RHBG: variants seen among roughly 807,000 people sequenced by gnomAD.
The protein encoded by RHBG is ammonium transporter Rh type B.
RHBG carries 39 observed loss-of-function variants against 40.1 expected under a neutral mutation model. That is an observed-to-expected ratio of 0.97 (90% CI 0.75 to 1.27). The LOEUF is 1.27. Among genes scored for constraint, RHBG ranks in the 50% most tolerant of loss-of-function variants. The pLI is 0.00. For synonymous variants in RHBG, 237 were observed against 252.5 expected (o/e 0.94, Z 0.58); for missense variants, 549 against 588.1 (o/e 0.93, Z 0.69).
chr1:156,373,375 G>A (rs1044005979), intron 1 of RHBG, among the ~76,000 whole-genome samples: 1 of 144,830 alleles, frequency 6.9e-6, no homozygotes, highest in Non-Finnish European at 1.5e-5. Context: ...GCAGTGAGCT[G>A]TAATGGCACC....
chr1:156,378,526 A>G (rs1667394008), intron 4 of RHBG, 127 bp downstream of exon 4: 1 of 1,166,452 alleles, frequency 8.6e-7, no homozygotes. Context: ...TCCCATTTGG[A>G]TTCTGCTGTG....
At chr1:156,384,413 G>A (rs565741608) in intron 8 of RHBG, 114 bp from the exon 9 acceptor site, 675 of 927,742 alleles carry the variant, frequency 7.3e-4, no homozygotes, top group Non-Finnish European at 1.1e-3. Flanking sequence ...TGCCTGCACA[G>A]GCATCATATT....
intron 1 of RHBG, among the ~76,000 whole-genome samples, chr1:156,374,022 T>A (rs924285944): frequency 1.3e-5 from 2 of 152,012 alleles, no homozygotes; most frequent in African/African-American, 4.8e-5. Flanking sequence ...ATAGTCACTC[T>A]ACAGTGCTAT....
At position 156,377,286 on chromosome 1, in the gene RHBG, C is replaced by G. The variant is rs774112775; in HGVS notation, c.188-15C>G. 9.3e-6 allele frequency: 15 copies of G among 1,611,666 alleles called. No individual in the cohort carries two copies. The highest frequency in any genetic ancestry group is 9.3e-6 in the Non-Finnish European group (11 of 1,178,206). On this transcript the variant is annotated splice_polypyrimidine_tract_variant and intron_variant, in intron 1 of 9. Transcript: ENST00000537040. The surrounding 1 kb of genome is among the most constrained non-coding windows in gnomAD (Gnocchi z 4.6). Reference sequence around the variant, plus strand: ...AGCAGCCCCCAAGTGCCCCGCCTGTCCCTGCCCGCTGCAGGCTTCCAGGAC... The same window carrying G: ...AGCAGCCCCCAAGTGCCCCGCCTGTGCCTGCCCGCTGCAGGCTTCCAGGAC...
At chr1:156,376,481 A>C (rs1345326215) in intron 1 of RHBG, among the ~76,000 whole-genome samples, 1 of 151,472 alleles carries the variant, frequency 6.6e-6, no homozygotes, top group Non-Finnish European at 1.5e-5. Context: ...TTTGTCCCTC[A>C]ACCTCCCAAG....
At chr1:156,381,566 G>A (rs1235118211) in intron 5 of RHBG, 53 bp downstream of exon 5, 4 of 1,542,748 alleles carry the variant, frequency 2.6e-6, no homozygotes, top group Admixed American at 1.9e-5. Context: ...GGCAGGGGAG[G>A]AGAGGTCTGA....
chr1:156,379,921 A>G (rs1225064327), intron 4 of RHBG, among the ~76,000 whole-genome samples: 1 of 152,090 alleles, frequency 6.6e-6, no homozygotes, highest in East Asian at 1.9e-4. Context: ...ATGGGCTTCC[A>G]GTTCTTTCCC....
chr1:156,380,134 G>A (rs1667518430), intron 4 of RHBG, among the ~76,000 whole-genome samples: 1 of 92,348 alleles, frequency 1.1e-5, no homozygotes, highest in Admixed American at 1.4e-4. Flanking sequence ...TTTTTGAGAT[G>A]GAGTCTTGCT....
intron 1 of RHBG, among the ~76,000 whole-genome samples, chr1:156,372,954 G>A (rs536904659): frequency 2.3e-4 from 35 of 152,252 alleles, no homozygotes; most frequent in Non-Finnish European, 3.8e-4. Context: ...ACCACGCCCG[G>A]CCAGACTTAG....
intron 1 of RHBG, among the ~76,000 whole-genome samples, chr1:156,375,962 T>TTAAGA (rs1667166435): frequency 6.6e-6 from 1 of 152,060 alleles, no homozygotes; most frequent in African/African-American, 2.4e-5. Flanking sequence ...CCCAGGCTAG[T>TTAAGA]CTTAATCTAC....
At position 156,384,561 on chromosome 1, in the gene RHBG, C is replaced by CG. The variant is rs1215579259; in HGVS notation, c.1269_1270insG (p.Pro424AlafsTer19). On this transcript the variant is annotated frameshift_variant, in exon 9 of 10. Coordinates refer to ENST00000537040, the MANE Select transcript of RHBG (RefSeq NM_020407.5). LOFTEE classifies it high-confidence loss of function. The stretch of plus-strand genomic sequence containing the variant: ...TGAAGCTACCCTTTCTGGACTCCCC[C>CG]CCAGACTCCCAGCACTACGAGGACC... The CG allele has an allele frequency of 1.5e-5, 24 of 1,600,178 alleles. No individual in the cohort carries two copies. Among genetic ancestry groups the CG allele is most frequent in the South Asian group, 3.4e-5 (3 of 89,286 alleles).
At chr1:156,384,299 T>C (rs1420820587) in intron 8 of RHBG, 2 of 612,658 alleles carry the variant, frequency 3.3e-6, no homozygotes, top group Non-Finnish European at 5.9e-6. Flanking sequence ...AGGAATAATA[T>C]TGGCCTTGCA....
Position 156,384,303 on chromosome 1 carries a change from C to T in RHBG, c.1235-224C>T, listed in dbSNP as rs181718247. The T allele has an allele frequency of 5.3e-4, 326 of 619,244 alleles. 1 individual carries two copies. Among genetic ancestry groups the T allele is most frequent in the Non-Finnish European group, 9.0e-4 (308 of 342,380 alleles). 38.4% of individuals were successfully genotyped at this position (619,244 alleles called of 1,614,324 possible). The stretch of plus-strand genomic sequence containing the variant: ...GTTTGTAATACAGGAATAATATTGG[C>T]CTTGCAGGGTTGTTGTGATTACTCA... On this transcript the variant is annotated intron_variant, in intron 8 of 9. Coordinates refer to ENST00000537040, the MANE Select transcript of RHBG (RefSeq NM_020407.5).
In RHBG at chr1:156,384,974, TTCCACAGGCAGCGTC is replaced by T; in HGVS notation, c.*138_*152del. 1 of 625,888 alleles carries T rather than the reference TTCCACAGGCAGCGTC, an allele frequency of 1.6e-6. No homozygotes were observed. Among genetic ancestry groups the T allele is most frequent in the South Asian group, 1.9e-5 (1 of 51,306 alleles). 38.8% of individuals were successfully genotyped at this position (625,888 alleles called of 1,614,324 possible). On this transcript the variant is annotated 3_prime_UTR_variant, in exon 10 of 10. Transcript: ENST00000537040. ...AGCCATGAGCCAGAAGGAGGCCCCT[TTCCACAGGCAGCGTC>T]TCCACAGGGAGAGGGGCAACAGGAG... is the stretch of plus-strand genomic sequence containing the variant.
intron 1 of RHBG, among the ~76,000 whole-genome samples, chr1:156,373,190 G>T (rs1359991152): frequency 1.3e-5 from 2 of 152,166 alleles, no homozygotes; most frequent in African/African-American, 4.8e-5. Context: ...GGGAAGCTGA[G>T]GTGAGAGGAC....
chr1:156,384,717 A>C, intron 9 of RHBG, 60 bp from the exon 10 acceptor site: 1 of 1,584,868 alleles, frequency 6.3e-7, no homozygotes, highest in Admixed American at 1.7e-5. Context: ...TACACCCCTG[A>C]ACTGTGGCTT....
intron 8 of RHBG, among the ~76,000 whole-genome samples, chr1:156,383,630 C>T (rs987829363): frequency 1.6e-4 from 24 of 151,712 alleles, no homozygotes; most frequent in Non-Finnish European, 1.8e-4. Flanking sequence ...TGCATGTTAA[C>T]GTCTGCAAAG....
intron 1 of RHBG, among the ~76,000 whole-genome samples, chr1:156,370,585 C>T (rs1483519974): frequency 8.4e-6 from 1 of 118,530 alleles, no homozygotes; most frequent in Admixed American, 1.2e-4. Context: ...GCACTCCAGA[C>T]TGGGCAATGA....
intron 1 of RHBG, among the ~76,000 whole-genome samples, chr1:156,370,254 C>T (rs149364770): frequency 0.022 from 3,306 of 152,164 alleles, 134 homozygotes; most frequent in African/African-American, 0.077. Flanking sequence ...TGAGACCAGC[C>T]TAGCCAACAT....
Sources: allele counts gnomAD v4.1 joint callset (sites outside exome capture counted in the v4.1 genomes callset), GRCh38; gene constraint gnomAD v4.1.1; non-coding constraint Gnocchi (gnomAD v3.1); transcripts MANE v1.5; gene names NCBI Gene and HGNC (gene_info 2026-07-23, HGNC 2026-07-21).